The following DNAJC5B variants were observed in gnomAD, a reference collection of about 807,000 sequenced individuals.
DNAJC5B encodes the protein dnaJ homolog subfamily C member 5B.
A neutral mutation model predicts 24.7 loss-of-function variants in DNAJC5B; 23 were observed. The ratio of observed to expected loss-of-function variants is 0.93; its 90% CI spans 0.67 to 1.32. The LOEUF (loss-of-function observed/expected upper bound fraction) is 1.32, where lower values mean the gene tolerates loss of function less well. DNAJC5B is among the 40% of genes most tolerant of loss of function. The probability of loss-of-function intolerance (pLI) is 0.00; values close to 1 mark genes in which losing one functional copy is unlikely to be tolerated. For missense variants in DNAJC5B, 238 were observed against 240.8 expected (o/e 0.99, Z 0.08); for synonymous variants, 101 against 90.1 (o/e 1.12, Z -0.68).
At chr8:66,033,074 C>G (rs1806394543) in intron 1 of DNAJC5B, among the ~76,000 whole-genome samples, 1 of 152,218 alleles carries the variant, frequency 6.6e-6, no homozygotes, top group Admixed American at 6.5e-5. Context: ...CAGTTAGAAG[C>G]CAAGCCATCC....
At chr8:66,026,474 A>G (rs1052063016) in intron 1 of DNAJC5B, among the ~76,000 whole-genome samples, 3 of 152,224 alleles carry the variant, frequency 2.0e-5, no homozygotes, top group African/African-American at 7.2e-5. Flanking sequence ...GCTTGGAAGG[A>G]AAAAAAGCAA....
intron 1 of DNAJC5B, among the ~76,000 whole-genome samples, chr8:66,036,014 G>A (rs1806476610): frequency 6.6e-6 from 1 of 152,216 alleles, no homozygotes; most frequent in South Asian, 2.1e-4. Context: ...AAACGCAGAT[G>A]CCCCTGTGGG....
chr8:66,028,755 C>G (rs1156373177), intron 1 of DNAJC5B, among the ~76,000 whole-genome samples: 1 of 152,178 alleles, frequency 6.6e-6, no homozygotes, highest in East Asian at 1.9e-4. Flanking sequence ...CCCTCATCTC[C>G]TCATCTTCCT....
intron 5 of DNAJC5B, among the ~76,000 whole-genome samples, chr8:66,081,110 C>G (rs184285570): frequency 6.6e-6 from 1 of 152,092 alleles, no homozygotes; most frequent in Non-Finnish European, 1.5e-5. Flanking sequence ...GGACTATTTG[C>G]GTTGCTAACC....
chr8:66,088,514 A>G (rs1297550289), intron 5 of DNAJC5B, among the ~76,000 whole-genome samples: 1 of 152,130 alleles, frequency 6.6e-6, no homozygotes, highest in Non-Finnish European at 1.5e-5. Flanking sequence ...TTTCTACCAT[A>G]TAGTCAGGTT....
In DNAJC5B at chr8:66,101,116, G is replaced by A. The variant is rs1331493543; in HGVS notation, c.*1085G>A. Among the ~76,000 whole-genome samples the A allele has an allele frequency of 1.3e-5, 2 of 151,946 alleles. No individual in the cohort carries two copies. The highest frequency in any genetic ancestry group is 3.8e-4 in the East Asian group (2 of 5,200). On this transcript the variant is annotated 3_prime_UTR_variant, in exon 6 of 6. Coordinates refer to ENST00000276570, the MANE Select transcript of DNAJC5B (RefSeq NM_033105.6). Reference sequence around the variant, plus strand: ...GTTTTTATATAATATTGTATAAAATGCCTTTATCTTTTTTCTTGTTTCTTA... The same window carrying A: ...GTTTTTATATAATATTGTATAAAATACCTTTATCTTTTTTCTTGTTTCTTA...
chr8:66,090,689 G>C lies in DNAJC5B; in HGVS notation c.506-9248G>C, dbSNP rs78025715. 4.5e-3 allele frequency among the ~76,000 whole-genome samples: 682 copies of C among 151,944 alleles called. 6 individuals carry two copies. The highest frequency in any genetic ancestry group is 0.016 in the African/African-American group (667 of 41,450). ...GAAGAGGCCATATGGCTTGTAATTAGACTCTCACTTTCGGCCAAGATATTG... is the reference window on the plus strand; with the variant it reads ...GAAGAGGCCATATGGCTTGTAATTACACTCTCACTTTCGGCCAAGATATTG... On this transcript the variant is annotated intron_variant, in intron 5 of 5. Transcript: ENST00000276570.
chr8:66,021,803 A>T (rs1806130832), intron 1 of DNAJC5B, 98 bp downstream of exon 1: 1 of 152,232 alleles, frequency 6.6e-6, no homozygotes. Context: ...GAGCAGAAGC[A>T]GAGCTGGGCG....
chr8:66,071,445 A>T (rs1807346771), intron 3 of DNAJC5B, among the ~76,000 whole-genome samples: 1 of 152,266 alleles, frequency 6.6e-6, no homozygotes, highest in Non-Finnish European at 1.5e-5. Flanking sequence ...CAGACACATG[A>T]AAAAATGCTC....
upstream of DNAJC5B, among the ~76,000 whole-genome samples, chr8:66,019,419 T>C (rs1242893189): frequency 6.6e-6 from 1 of 152,194 alleles, no homozygotes; most frequent in Admixed American, 6.5e-5. Flanking sequence ...AAAGGTGAAG[T>C]TTGTGATGGC....
At chr8:66,028,492 T>A (rs1034954197) in intron 1 of DNAJC5B, among the ~76,000 whole-genome samples, 2 of 152,214 alleles carry the variant, frequency 1.3e-5, no homozygotes, top group African/African-American at 4.8e-5. Context: ...GCCTACACCC[T>A]GAAGTCAACA....
intron 1 of DNAJC5B, among the ~76,000 whole-genome samples, chr8:66,033,587 AC>A (rs1806407415): frequency 1.3e-5 from 2 of 152,038 alleles, no homozygotes; most frequent in South Asian, 4.1e-4. Flanking sequence ...TCCAGATCAG[AC>A]CCTTGCTCTG....
intron 1 of DNAJC5B, among the ~76,000 whole-genome samples, chr8:66,038,164 G>T (rs1391334988): frequency 6.6e-6 from 1 of 152,204 alleles, no homozygotes; most frequent in African/African-American, 2.4e-5. Context: ...TGACCCTCAT[G>T]AGTGATGTTC....
At chr8:66,090,765 G>T (rs1807830487) in intron 5 of DNAJC5B, among the ~76,000 whole-genome samples, 1 of 152,034 alleles carries the variant, frequency 6.6e-6, no homozygotes, top group Non-Finnish European at 1.5e-5. Flanking sequence ...TACTGCCCAG[G>T]AAAAAGGCAC....
At chr8:66,040,841 T>C (rs1328790046) in intron 1 of DNAJC5B, among the ~76,000 whole-genome samples, 1 of 152,234 alleles carries the variant, frequency 6.6e-6, no homozygotes, top group African/African-American at 2.4e-5. Flanking sequence ...TTTATACATG[T>C]TTATAGATTT....
chr8:66,062,873 G>C (rs1192882575), intron 3 of DNAJC5B, among the ~76,000 whole-genome samples: 1 of 152,142 alleles, frequency 6.6e-6, no homozygotes, highest in Non-Finnish European at 1.5e-5. Context: ...AGACAGGCTT[G>C]GTGGCATGTG....
chr8:66,034,843 T>C (rs1174471632), intron 1 of DNAJC5B, among the ~76,000 whole-genome samples: 1 of 152,018 alleles, frequency 6.6e-6, no homozygotes, highest in Non-Finnish European at 1.5e-5. Context: ...TGCTTTAGGG[T>C]AATGGAGGCC....
intron 1 of DNAJC5B, among the ~76,000 whole-genome samples, chr8:66,038,082 G>C (rs1806527565): frequency 6.6e-6 from 1 of 152,186 alleles, no homozygotes; most frequent in African/African-American, 2.4e-5. Flanking sequence ...GCTCCATTCA[G>C]TCTTTTTATT....
At chr8:66,054,966 G>A (rs575653211) in intron 3 of DNAJC5B, among the ~76,000 whole-genome samples, 12 of 152,048 alleles carry the variant, frequency 7.9e-5, no homozygotes, top group African/African-American at 2.7e-4. Context: ...AAATGGGGAG[G>A]GAAAAAAGTG....
Sources: allele counts gnomAD v4.1 joint callset (sites outside exome capture counted in the v4.1 genomes callset), GRCh38; gene constraint gnomAD v4.1.1; transcripts MANE v1.5; gene names NCBI Gene and HGNC (gene_info 2026-07-23, HGNC 2026-07-21).